TARS3: variants seen among roughly 807,000 people sequenced by gnomAD.
TARS3 encodes the protein threonyl-tRNA synthetase 3.
In TARS3, 94 loss-of-function variants were observed where a neutral mutation model predicts 103.5. That is an observed-to-expected ratio of 0.91 (90% CI 0.77 to 1.08). TARS3 has a LOEUF of 1.08. Among genes scored for constraint, TARS3 ranks in the 50% least tolerant of loss-of-function variants. The pLI is 0.00. For missense variants in TARS3, 952 were observed against 995.2 expected (o/e 0.96, Z 0.58); for synonymous variants, 416 against 355.4 (o/e 1.17, Z -1.92).
chr15:101,723,629 G>A (rs1900603199), intron 1 of TARS3, among the ~76,000 whole-genome samples: 1 of 152,062 alleles, frequency 6.6e-6, no homozygotes, highest in Admixed American at 6.5e-5. Context: ...TAAATATACA[G>A]CTATCCTCTC....
At chr15:101,705,594 C>A in intron 7 of TARS3, 89 bp downstream of exon 7, 1 of 1,038,500 alleles carries the variant, frequency 9.6e-7, no homozygotes, top group Non-Finnish European at 1.5e-6. Flanking sequence ...CTTGAAAAAT[C>A]GATCTCCAAC....
chr15:101,710,889 G>C (rs550729340), intron 5 of TARS3, among the ~76,000 whole-genome samples: 1 of 152,320 alleles, frequency 6.6e-6, no homozygotes, highest in East Asian at 1.9e-4. Flanking sequence ...GGATGGTGGC[G>C]TGGTGGTGAA....
In TARS3 at chr15:101,711,965, C is replaced by T. The variant is rs751395684; in HGVS notation, c.727G>A (p.Ala243Thr). 6.2e-7 allele frequency: 1 copy of T among 1,613,890 alleles called. No individual in the cohort carries two copies. The highest frequency in any genetic ancestry group is 1.1e-5 in the South Asian group (1 of 91,062). Residue 243 changes from alanine (A) to threonine (T), a missense_variant, in exon 5 of 19, where the codon GCC (alanine) becomes ACC (threonine). Coordinates refer to ENST00000335968, the MANE Select transcript of TARS3 (RefSeq NM_152334.3). ...WHSSAHILGE[A>T]MELYYGGHLC... is the part of the protein sequence containing the mutation. The stretch of plus-strand genomic sequence containing the variant: ...TGGCCTCCATAGTAAAGCTCCATGG[C>T]CTCCCCAAGAATGTGAGCACTGGAG...
chr15:101,685,539 GT>G, intron 11 of TARS3, among the ~76,000 whole-genome samples: 1 of 152,222 alleles, frequency 6.6e-6, no homozygotes, highest in South Asian at 2.1e-4. Context: ...CATTGATCTT[GT>G]TATAATCCAC....
At chr15:101,689,395 G>T (rs578223427) in intron 10 of TARS3, among the ~76,000 whole-genome samples, 5 of 152,144 alleles carry the variant, frequency 3.3e-5, no homozygotes, top group African/African-American at 4.8e-5. Context: ...ATATTTTGAA[G>T]TCCTAACTCC....
chr15:101,722,865 A>G (rs894747316), intron 2 of TARS3, among the ~76,000 whole-genome samples: 3 of 151,892 alleles, frequency 2.0e-5, no homozygotes, highest in African/African-American at 7.3e-5. Context: ...CAACTCTAGT[A>G]CTCTAGTAGC....
At chr15:101,702,079 G>A (rs1238876948) in intron 9 of TARS3, among the ~76,000 whole-genome samples, 160 bp downstream of exon 9, 1 of 152,156 alleles carries the variant, frequency 6.6e-6, no homozygotes, top group African/African-American at 2.4e-5. Context: ...AGACATCTGG[G>A]GTATTAAAAT....
chr15:101,667,662 C>G (rs1317782526), intron 15 of TARS3, among the ~76,000 whole-genome samples: 1 of 152,096 alleles, frequency 6.6e-6, no homozygotes, highest in East Asian at 1.9e-4. Flanking sequence ...CTTCTGCCTT[C>G]TGGATTCACA....
chr15:101,686,712 T>G (rs1266722422), intron 10 of TARS3, among the ~76,000 whole-genome samples: 1 of 152,228 alleles, frequency 6.6e-6, no homozygotes, highest in Non-Finnish European at 1.5e-5. Context: ...AAATGCATAT[T>G]CTGCTGTTGT....
intron 18 of TARS3, 38 bp from the exon 19 acceptor site, chr15:101,654,768 A>G: frequency 3.1e-6 from 5 of 1,594,472 alleles, no homozygotes; most frequent in Non-Finnish European, 4.3e-6. Context: ...ATTTTAAATC[A>G]GCAATTTACC....
chr15:101,724,275 T>C lies in TARS3; in HGVS notation c.113A>G (p.Asn38Ser). 6.4e-7 allele frequency: 1 copy of C among 1,572,202 alleles called. No individual in the cohort carries two copies. The highest frequency in any genetic ancestry group is 1.2e-5 in the South Asian group (1 of 86,098). ...CTCCGCCTGGCAGCTGTAGGGCGCG[T>C]TCAGCTGCTCGTCCCTCAGGCGCTC... ...EVERLRDEQL[N>S]APYSCQAEGP... Residue 38 changes from asparagine (N) to serine (S), a missense_variant, in exon 1 of 19, where the codon AAC (asparagine) becomes AGC (serine). By Grantham distance (46) the Asn-to-Ser change is conservative. This residue lies in a region of TARS3 where 412 missense variants were observed against 364.2 expected (regional missense o/e 1.13). Coordinates refer to ENST00000335968, the MANE Select transcript of TARS3 (RefSeq NM_152334.3).
At chr15:101,677,954 T>C (rs1016745977) in intron 12 of TARS3, among the ~76,000 whole-genome samples, 1 of 151,626 alleles carries the variant, frequency 6.6e-6, no homozygotes, top group Admixed American at 6.6e-5. Flanking sequence ...TTAATTGGCA[T>C]ATCATGGGAC....
intron 10 of TARS3, among the ~76,000 whole-genome samples, chr15:101,690,062 A>G (rs115918068): frequency 0.013 from 2,038 of 152,368 alleles, 43 homozygotes; most frequent in African/African-American, 0.046. Flanking sequence ...ACATCACCAC[A>G]TGATGACACA....
chr15:101,716,173 C>T (rs920374718), intron 3 of TARS3, among the ~76,000 whole-genome samples: 4 of 152,144 alleles, frequency 2.6e-5, no homozygotes, highest in African/African-American at 9.7e-5. Flanking sequence ...CAGGCCACCA[C>T]ACTCAGCTAA....
At position 101,671,435 on chromosome 15, in the gene TARS3, C is replaced by A. The variant is rs1232078782; in HGVS notation, c.1967+51G>T. 4 of 1,405,662 alleles carry A rather than the reference C, an allele frequency of 2.8e-6. No individual in the cohort carries two copies. The South Asian group carries it at 5.0e-5, about 17-fold the overall frequency. The allele number at this position is 1,405,662 out of a possible 1,614,324, so 87.1% of individuals were successfully genotyped here. On this transcript the variant is annotated intron_variant, in intron 15 of 18. Transcript: ENST00000335968. Reference sequence around the variant, plus strand: ...TTTTGCATTGCTAATACTCAAATGACAAAAAATTAGAATATTAGTACTATA... The same window carrying A: ...TTTTGCATTGCTAATACTCAAATGAAAAAAAATTAGAATATTAGTACTATA...
chr15:101,664,386 CG>C (rs1567323841), intron 15 of TARS3: 2 of 152,188 alleles, frequency 1.3e-5, no homozygotes, highest in African/African-American at 4.8e-5. Context: ...TCCTCCAAAA[CG>C]GAGAGATTAG....
chr15:101,676,055 C>CG (rs1450755355), intron 12 of TARS3, among the ~76,000 whole-genome samples: 1 of 152,136 alleles, frequency 6.6e-6, no homozygotes, highest in Non-Finnish European at 1.5e-5. Flanking sequence ...CTGCATGGAG[C>CG]GGAAGCTCAG....
intron 9 of TARS3, among the ~76,000 whole-genome samples, chr15:101,701,942 A>AT (rs1372727882): frequency 1.3e-5 from 2 of 152,150 alleles, no homozygotes; most frequent in African/African-American, 2.4e-5. Context: ...CGCCTGGCTA[A>AT]TTTTTTTGTA....
chr15:101,684,303 T>C (rs1012161961), intron 11 of TARS3, 66 bp from the exon 12 acceptor site: 3 of 1,390,936 alleles, frequency 2.2e-6, no homozygotes, highest in South Asian at 1.7e-5. Flanking sequence ...TATCTAAATA[T>C]AAAGAAATTA....
Sources: gnomAD v4.1 joint callset for allele counts (sites outside exome capture counted in the v4.1 genomes callset) on GRCh38, gnomAD v4.1.1 for gene constraint, gnomAD v4.1.1 regional missense constraint, MANE v1.5 for transcripts, NCBI Gene and HGNC (gene_info 2026-07-23, HGNC 2026-07-21) for gene names.